The following NSUN7 variants were observed in gnomAD, a reference collection of about 807,000 sequenced individuals.
The protein encoded by NSUN7 is protein NSUN7.
In NSUN7, 39 loss-of-function variants were observed where a neutral mutation model predicts 58.5. The observed-to-expected ratio is 0.67, with a 90% confidence interval of 0.52 to 0.87. The LOEUF is 0.87. NSUN7 is among the 40% of genes least tolerant of loss of function. The pLI is 0.00. For missense variants in NSUN7, 765 were observed against 844.1 expected, an observed-to-expected ratio of 0.91 and a Z score of 1.16; for synonymous variants, 278 against 303.7, an observed-to-expected ratio of 0.92 and a Z score of 0.88.
chr4:40,774,435 A>G lies in NSUN7; in HGVS notation c.641+18A>G, dbSNP rs775369755. 3.1e-6 allele frequency: 5 copies of G among 1,604,514 alleles called. No individual in the cohort carries two copies. The East Asian group carries it at 1.1e-4, about 36-fold the overall frequency. ...AAAATCAGGTAAGTGTTTAAATCAA[A>G]TTCTTTATATTTCAAGTCTCCATCC... is the stretch of plus-strand genomic sequence containing the variant. On this transcript the variant is annotated intron_variant, in intron 5 of 11. Transcript: ENST00000381782.
chr4:40,774,843 G>A lies in NSUN7; in HGVS notation c.718G>A (p.Val240Ile), dbSNP rs1003570136. The change falls in exon 6 of 12, where the codon GTC becomes ATC. Residue 240 changes from valine to isoleucine, a missense_variant. Coordinates refer to ENST00000381782, the MANE Select transcript of NSUN7 (RefSeq NM_024677.6). ...VKSVLHIDDK[V>I]FAVDQHCYDV... ...ATCTGTATTGCATATTGATGATAAA[G>A]TCTTTGCTGTGGATCAACATTGCTA... 4.5e-5 allele frequency: 69 copies of A among 1,537,884 alleles called. No homozygotes were observed. Among genetic ancestry groups the A allele is most frequent in the Non-Finnish European group, 5.1e-5 (57 of 1,111,900 alleles).
Position 40,774,821 on chromosome 4 carries a change from T to C in NSUN7, c.696T>C (p.Ser232=). The C allele has an allele frequency of 6.4e-7, 1 of 1,560,304 alleles. No individual in the cohort carries two copies. The highest frequency in any genetic ancestry group is 1.4e-5 in the African/African-American group (1 of 73,818). The change falls in exon 6 of 12, where the codon TCT becomes TCC. Residue 232 remains serine, a synonymous_variant. Coordinates refer to ENST00000381782, the MANE Select transcript of NSUN7 (RefSeq NM_024677.6). ...LKRRGYNKVK[S]VLHIDDKVFA... ...GAAGAGGCTATAATAAAGTCAAATCTGTATTGCATATTGATGATAAAGTCT... is the reference window on the plus strand; with the variant it reads ...GAAGAGGCTATAATAAAGTCAAATCCGTATTGCATATTGATGATAAAGTCT...
At chr4:40,785,133 G>T (rs1742747767) in intron 7 of NSUN7, among the ~76,000 whole-genome samples, 1 of 151,226 alleles carries the variant, frequency 6.6e-6, no homozygotes. Context: ...TCTCCTGGGT[G>T]CAAACAGTCC....
At position 40,794,430 on chromosome 4, in the gene NSUN7, C is replaced by T. The variant is rs777192227; in HGVS notation, c.1236C>T (p.His412=). 100 of 1,612,426 alleles carry T rather than the reference C, an allele frequency of 6.2e-5. No individual in the cohort carries two copies. The highest frequency in any genetic ancestry group is 7.7e-5 in the Non-Finnish European group (91 of 1,178,894). The part of the protein sequence containing the change: ...SQGGISVDKL[H]VLAQQQYEQL... Reference sequence around the variant, plus strand: ...GAGGCATCTCAGTGGACAAACTTCACGTTCTTGCTCAACAGCAGTATGAAC... The same window carrying T: ...GAGGCATCTCAGTGGACAAACTTCATGTTCTTGCTCAACAGCAGTATGAAC... Residue 412 remains histidine, a synonymous_variant, in exon 9 of 12, where the codon CAC becomes CAT. Coordinates refer to ENST00000381782, the MANE Select transcript of NSUN7 (RefSeq NM_024677.6).
chr4:40,787,338 TA>T (rs952307010), intron 7 of NSUN7, among the ~76,000 whole-genome samples: 2 of 139,278 alleles, frequency 1.4e-5, no homozygotes, highest in African/African-American at 2.6e-5. Flanking sequence ...AAAATAAAAA[TA>T]AAAAAATAAA....
At chr4:40,790,479 A>G in intron 7 of NSUN7, 123 bp from the exon 8 acceptor site, 1 of 604,672 alleles carries the variant, frequency 1.7e-6, no homozygotes, top group Non-Finnish European at 2.8e-6. Flanking sequence ...TTTTCTAACT[A>G]CATCAAAATG....
chr4:40,762,566 A>G (rs1352427951), intron 4 of NSUN7: 2 of 152,216 alleles, frequency 1.3e-5, no homozygotes, highest in Non-Finnish European at 2.9e-5. Context: ...TAACAATTCT[A>G]TGCATTGGTT....
rs368914935 is a variant in NSUN7 at position 40,761,235 on chromosome 4, C to T, written c.422C>T (p.Thr141Ile). ...LYDFQDRKFQ[T>I]RVLSDNEEPI... ...GATTTCCAAGATAGAAAATTTCAAA[C>T]TCGTGTCCTTTCTGATAATGAAGAG... Residue 141 changes from threonine to isoleucine, a missense_variant, in exon 4 of 12, where the codon ACT becomes ATT. By Grantham distance (89) the Thr-to-Ile change is moderately conservative (BLOSUM62 -1). Coordinates refer to ENST00000381782, the MANE Select transcript of NSUN7 (RefSeq NM_024677.6). 1.9e-6 allele frequency: 3 copies of T among 1,589,176 alleles called. No homozygotes were observed. The highest frequency in any genetic ancestry group is 3.8e-5 in the Admixed American group (2 of 52,306).
In NSUN7 at chr4:40,798,777, TCTAATATAGTTA is replaced by T; in HGVS notation, c.1283-5_1289del. The T allele has an allele frequency of 6.7e-7, 1 of 1,491,522 alleles. No individual in the cohort carries two copies. Among genetic ancestry groups the T allele is most frequent in the South Asian group, 1.2e-5 (1 of 86,506 alleles). The allele number at this position is 1,491,522 out of a possible 1,614,324, so 92.4% of individuals were successfully genotyped here. Reference sequence around the variant, plus strand: ...AGTTGTTACAGTCATTGCATCTTCTTCTAATATAGTTACTAAAGCTCAAGCAGTTGTTTACTG... The same window carrying T: ...AGTTGTTACAGTCATTGCATCTTCTTCTAAAGCTCAAGCAGTTGTTTACTG... On this transcript the variant is annotated splice_acceptor_variant and splice_polypyrimidine_tract_variant and coding_sequence_variant and intron_variant, in exon 10 of 12. Transcript: ENST00000381782. LOFTEE classifies it high-confidence loss of function.
intron 2 of NSUN7, among the ~76,000 whole-genome samples, chr4:40,758,707 A>G (rs1345548112): frequency 1.3e-5 from 2 of 152,038 alleles, no homozygotes; most frequent in African/African-American, 2.4e-5. Context: ...ATAAAAATAA[A>G]AACAATAAAA....
chr4:40,752,269 G>A (rs925889354), intron 2 of NSUN7, among the ~76,000 whole-genome samples: 5 of 152,134 alleles, frequency 3.3e-5, no homozygotes, highest in Admixed American at 6.5e-5. Context: ...ATCCTTGCTC[G>A]TAGGAGGCAG....
rs6843519 is a variant in NSUN7 at position 40,764,227 on chromosome 4, C to T, written c.488+2926C>T. On this transcript the variant is annotated intron_variant, in intron 4 of 11. Transcript: ENST00000381782. ...TATCTCCTAATGCTATCCCTCCCCC[C>T]TCCCCCCACCCCACAACAGTCCCCA... Among the ~76,000 whole-genome samples, 4 of 107,464 alleles carry T rather than the reference C, an allele frequency of 3.7e-5. No individual in the cohort carries two copies. The Admixed American group carries it at 4.5e-4, about 12-fold the overall frequency. 70.5% of individuals were successfully genotyped at this position (107,464 alleles called of 152,430 possible).
intron 7 of NSUN7, among the ~76,000 whole-genome samples, chr4:40,789,200 A>T (rs1242355808): frequency 6.6e-6 from 1 of 152,232 alleles, no homozygotes; most frequent in African/African-American, 2.4e-5. Context: ...TACAGGAAGT[A>T]CAGAAAAGAG....
rs780882440 is a variant in NSUN7, at chr4:40,751,016, C to A, written c.298+25C>A. ...TGTGAGTTGTGCCAGTCTGGAAGAT[C>A]AACACTAAAAGAAAATAATAGCGAG... is the stretch of plus-strand genomic sequence containing the variant. On this transcript the variant is annotated intron_variant, in intron 2 of 11. Transcript: ENST00000381782. 1.0e-5 allele frequency: 16 copies of A among 1,606,474 alleles called. No individual in the cohort carries two copies. In the South Asian group the frequency reaches 1.7e-4, roughly 17 times the overall value.
intron 4 of NSUN7, 149 bp downstream of exon 4, chr4:40,761,450 A>AC (rs1230027721): frequency 6.5e-6 from 4 of 612,084 alleles, no homozygotes; most frequent in African/African-American, 5.9e-5. Flanking sequence ...TTCTTTACAA[A>AC]CAGTCTTGAA....
intron 7 of NSUN7, chr4:40,786,050 G>A (rs1480079180): frequency 2.6e-6 from 4 of 1,523,670 alleles, no homozygotes; most frequent in African/African-American, 1.4e-5. Context: ...CAGTTACCAG[G>A]AGAAGTTCTA....
In NSUN7 at chr4:40,774,756, T is replaced by C. The variant is rs376958528; in HGVS notation, c.642-11T>C. On this transcript the variant is annotated splice_polypyrimidine_tract_variant and intron_variant, in intron 5 of 11. Coordinates refer to ENST00000381782, the MANE Select transcript of NSUN7 (RefSeq NM_024677.6). ...TATTTGTAATTACAAGCTAATGTTG[T>C]ATATTTACAGCCCTGAAGAAGTTTA... 2 of 1,446,456 alleles carry C rather than the reference T, an allele frequency of 1.4e-6. No homozygotes were observed. Among genetic ancestry groups the C allele is most frequent in the Non-Finnish European group, 1.9e-6 (2 of 1,058,914 alleles). 89.6% of individuals were successfully genotyped at this position (1,446,456 alleles called of 1,614,324 possible).
chr4:40,765,826 TTA>T (rs765092042), intron 4 of NSUN7, among the ~76,000 whole-genome samples: 1 of 152,186 alleles, frequency 6.6e-6, no homozygotes, highest in Non-Finnish European at 1.5e-5. Flanking sequence ...CCTAGGTATT[TTA>T]TTCTCTTTGA....
chr4:40,787,159 A>G (rs1249196053), intron 7 of NSUN7, among the ~76,000 whole-genome samples: 1 of 152,128 alleles, frequency 6.6e-6, no homozygotes, highest in East Asian at 1.9e-4. Flanking sequence ...GTGACTTTTT[A>G]AAAAGAAAAT....
Sources: allele counts gnomAD v4.1 joint callset (sites outside exome capture counted in the v4.1 genomes callset), GRCh38; gene constraint gnomAD v4.1.1; transcripts MANE v1.5; gene names NCBI Gene and HGNC (gene_info 2026-07-23, HGNC 2026-07-21).